The following CFAP54 variants were observed in gnomAD, a reference collection of about 807,000 sequenced individuals.
The protein encoded by CFAP54 is cilia- and flagella-associated protein 54.
Under a neutral mutation model 370.4 loss-of-function variants are expected in CFAP54, and 290 were observed. The observed-to-expected ratio is 0.78, with a 90% CI of 0.71 to 0.86. CFAP54 has a LOEUF of 0.86. Ranked by LOEUF, CFAP54 falls within the 40% of genes least tolerant of loss-of-function variation. CFAP54 has a pLI of 0.00. For missense variants in CFAP54, 3,399 were observed against 3,528.7 expected (o/e 0.96, Z 0.93); for synonymous variants, 1,206 against 1,236.5 (o/e 0.98, Z 0.52).
chr12:96,759,011 C>CT (rs1482785519), intron 58 of CFAP54, among the ~76,000 whole-genome samples: 1 of 152,046 alleles, frequency 6.6e-6, no homozygotes, highest in African/African-American at 2.4e-5. Flanking sequence ...TTTTAGTGGG[C>CT]TTTTCTGTTT....
chr12:96,568,750 GTC>G (rs1378204061), intron 19 of CFAP54, among the ~76,000 whole-genome samples: 2 of 152,116 alleles, frequency 1.3e-5, no homozygotes, highest in Admixed American at 1.3e-4. Flanking sequence ...TTCATATCCT[GTC>G]TCTGTTTTTC....
At chr12:96,798,300 TG>T (rs1958787436) in intron 63 of CFAP54, among the ~76,000 whole-genome samples, 1 of 152,100 alleles carries the variant, frequency 6.6e-6, no homozygotes, top group African/African-American at 2.4e-5. Flanking sequence ...GAGGATCTTC[TG>T]GAGGCAAACA....
intron 13 of CFAP54, among the ~76,000 whole-genome samples, chr12:96,539,141 A>C (rs1006167249): frequency 2.4e-4 from 34 of 143,186 alleles, no homozygotes; most frequent in Admixed American, 2.2e-4. Flanking sequence ...GCTAACTGCA[A>C]CCTCTGCCTG....
At chr12:96,664,707 ATATATATC>A (rs1565934188) in intron 39 of CFAP54, among the ~76,000 whole-genome samples, 7 of 11,640 alleles carry the variant, frequency 6.0e-4, no homozygotes, top group Admixed American at 1.0e-3. Flanking sequence ...CTATATATAT[ATATATATC>A]TATATATATC....
intron 39 of CFAP54, among the ~76,000 whole-genome samples, chr12:96,669,157 G>C (rs1011863898): frequency 4.6e-5 from 7 of 152,182 alleles, no homozygotes; most frequent in Non-Finnish European, 1.0e-4. Flanking sequence ...AAGAAATCCA[G>C]TGGGGCTAAC....
chr12:96,541,856 C>T (rs1341340856), intron 14 of CFAP54, among the ~76,000 whole-genome samples: 2 of 151,574 alleles, frequency 1.3e-5, no homozygotes, highest in Admixed American at 1.3e-4. Flanking sequence ...TTCTTCTTAT[C>T]CTTATCATCT....
intron 16 of CFAP54, 73 bp downstream of exon 16, chr12:96,554,383 T>A (rs1419060459): frequency 7.0e-7 from 1 of 1,424,194 alleles, no homozygotes; most frequent in Non-Finnish European, 9.1e-7. Flanking sequence ...TGAAAGTAGG[T>A]AAGTAAAGCA....
At chr12:96,721,925 AT>A (rs1349967727) in intron 50 of CFAP54, among the ~76,000 whole-genome samples, 8 of 152,190 alleles carry the variant, frequency 5.3e-5, no homozygotes, top group Non-Finnish European at 1.2e-4. Flanking sequence ...ACGAGTTACC[AT>A]TTTAAAATCG....
Position 96,500,842 on chromosome 12 carries a change from CTTT to C in CFAP54, c.327_329del (p.Leu110del). ...TTTTATGATTTTTACAGTGCCACTT[CTTT>C]GTTTAATATCTGGACTAAATACGCC... On this transcript the variant is annotated inframe_deletion, in exon 2 of 68. Transcript: ENST00000524981. The C allele has an allele frequency of 6.6e-7, 1 of 1,526,224 alleles. No homozygotes were observed. The highest frequency in any genetic ancestry group is 8.8e-7 in the Non-Finnish European group (1 of 1,142,504). 94.5% of individuals were successfully genotyped at this position (1,526,224 alleles called of 1,614,324 possible).
chr12:96,548,345 A>G (rs1955661693), intron 15 of CFAP54, among the ~76,000 whole-genome samples: 1 of 152,142 alleles, frequency 6.6e-6, no homozygotes, highest in Non-Finnish European at 1.5e-5. Context: ...AAAGATATTT[A>G]TATAATGCAT....
In CFAP54 at chr12:96,742,476, C is replaced by T; in HGVS notation, c.7109C>T (p.Pro2370Leu). Residue 2370 changes from proline to leucine, a missense_variant, in exon 52 of 68, where the codon CCT becomes CTT. By Grantham distance (98) the Pro-to-Leu change is moderately conservative (BLOSUM62 -3). This residue lies in a region of CFAP54 where 2,796 missense variants were observed against 2,869.7 expected (regional missense o/e 0.97). Transcript: ENST00000524981. The part of the protein sequence containing the change: ...ENKDDSEFLD[P>L]ISLNAREYFN... ...AAAGATGACAGTGAGTTTTTAGATC[C>T]TATTTCCCTAAATGCCCGAGAATAT... The T allele has an allele frequency of 1.2e-6, 2 of 1,602,128 alleles. No individual in the cohort carries two copies. The highest frequency in any genetic ancestry group is 1.3e-5 in the African/African-American group (1 of 74,602).
chr12:96,594,820 C>G (rs1250447329), intron 25 of CFAP54, among the ~76,000 whole-genome samples: 1 of 152,032 alleles, frequency 6.6e-6, no homozygotes, highest in Non-Finnish European at 1.5e-5. Context: ...AGACCCAAGA[C>G]AAAATACCTG....
intron 63 of CFAP54, among the ~76,000 whole-genome samples, chr12:96,792,801 ACTG>A (rs1297761330): frequency 6.6e-6 from 1 of 151,768 alleles, no homozygotes; most frequent in African/African-American, 2.4e-5. Flanking sequence ...GAATTTTTTT[ACTG>A]CTATTTTGCT....
chr12:96,527,549 G>T (rs1355900384), intron 9 of CFAP54, 105 bp downstream of exon 9: 4 of 429,576 alleles, frequency 9.3e-6, no homozygotes, highest in Non-Finnish European at 1.5e-5. Flanking sequence ...CATTTATATT[G>T]TTTTTTTTTT....
At chr12:96,787,903 G>T (rs557494766) in intron 62 of CFAP54, among the ~76,000 whole-genome samples, 2 of 151,460 alleles carry the variant, frequency 1.3e-5, no homozygotes, top group African/African-American at 2.4e-5. Flanking sequence ...ATGAAAAAGT[G>T]AGGTTTTTTT....
At chr12:96,804,379 A>G (rs1334441940) in intron 63 of CFAP54, among the ~76,000 whole-genome samples, 1 of 152,166 alleles carries the variant, frequency 6.6e-6, no homozygotes, top group East Asian at 1.9e-4. Context: ...AAACTAAAAA[A>G]TCCTAAAGTC....
chr12:96,857,878 C>T (rs1218749135), intron 66 of CFAP54, among the ~76,000 whole-genome samples: 3 of 152,170 alleles, frequency 2.0e-5, no homozygotes, highest in Non-Finnish European at 4.4e-5. Flanking sequence ...ATAAATCATC[C>T]AGTCTCAGGC....
chr12:96,616,029 T>C (rs1956413077), intron 26 of CFAP54, among the ~76,000 whole-genome samples: 1 of 152,148 alleles, frequency 6.6e-6, no homozygotes, highest in Non-Finnish European at 1.5e-5. Flanking sequence ...ACCCAAAGGA[T>C]TATAAATCAT....
intron 26 of CFAP54, among the ~76,000 whole-genome samples, chr12:96,606,467 T>A (rs1308681290): frequency 6.6e-6 from 1 of 152,208 alleles, no homozygotes; most frequent in African/African-American, 2.4e-5. Context: ...TACAAAAATA[T>A]GGGAAAACAA....
Sources: allele counts gnomAD v4.1 joint callset (sites outside exome capture counted in the v4.1 genomes callset), GRCh38; gene constraint gnomAD v4.1.1; regional missense constraint gnomAD v4.1.1; transcripts MANE v1.5; gene names NCBI Gene and HGNC (gene_info 2026-07-23, HGNC 2026-07-21).